MGST1: variants seen among roughly 807,000 people sequenced by gnomAD.
MGST1 encodes microsomal glutathione S-transferase 1.
Under a neutral mutation model 8.9 loss-of-function variants are expected in MGST1, and 5 were observed. The observed-to-expected ratio is 0.56, with a 90% CI of 0.29 to 1.19. The LOEUF is 1.19. MGST1 is among the 50% of genes most tolerant of loss of function. The pLI, the probability that MGST1 is intolerant of heterozygous loss-of-function variation, is 0.08. For missense variants in MGST1, 182 were observed against 187.4 expected (o/e 0.97, Z 0.17); for synonymous variants, 54 against 67.8 (o/e 0.80, Z 1.00).
rs1941593273 is a variant in MGST1, at chr12:16,513,805, G to A, written n.483-75723G>A. ...TGGAACTAGTGCCTTAAGGATCAGA[G>A]CTAGTTTTCTGCAAAGATTTCTTAA... On this transcript the variant is annotated intron_variant and non_coding_transcript_variant, in intron 4 of 4. Coordinates refer to the MGST1 transcript ENST00000538857. The surrounding 1 kb of genome is among the most constrained non-coding windows in gnomAD (Gnocchi z 4.2). 1 of 607,004 alleles carries A rather than the reference G, an allele frequency of 1.6e-6. No individual in the cohort carries two copies. The highest frequency in any genetic ancestry group is 3.9e-5 in the East Asian group (1 of 25,506). 37.6% of individuals were successfully genotyped at this position (607,004 alleles called of 1,614,324 possible).
chr12:16,420,490 G>A (rs1361966529), intron 1 of MGST1, among the ~76,000 whole-genome samples: 4 of 152,160 alleles, frequency 2.6e-5, no homozygotes, highest in Admixed American at 2.0e-4. Context: ...AAATCTGAGT[G>A]GAGGTTTCCA....
At chr12:16,574,886 A>G (rs1476525330) in intron 4 of MGST1, among the ~76,000 whole-genome samples, 1 of 152,174 alleles carries the variant, frequency 6.6e-6, no homozygotes, top group East Asian at 1.9e-4. Flanking sequence ...CATTAACAGC[A>G]GTGATAGAAA....
rs141034415 is a variant in MGST1 at position 16,420,931 on chromosome 12, T to G, written n.779-16457T>G. 4.6e-5 allele frequency among the ~76,000 whole-genome samples: 7 copies of G among 152,276 alleles called. 1 individual carries two copies. Among genetic ancestry groups the G allele is most frequent in the African/African-American group, 1.4e-4 (6 of 41,564 alleles). ...CTCCGGCATTCGGATTGATCTCTTT[T>G]ACTGAGGAAGAGTTGCCTGAGAATG... On this transcript the variant is annotated intron_variant and non_coding_transcript_variant, in intron 1 of 1. Coordinates refer to the MGST1 transcript ENST00000359720.
In MGST1 at chr12:16,548,628, A is replaced by G. The variant is rs1941876468; in HGVS notation, n.483-40900A>G. On this transcript the variant is annotated intron_variant and non_coding_transcript_variant, in intron 4 of 4. Coordinates refer to the MGST1 transcript ENST00000538857. The surrounding 1 kb of genome is among the most constrained non-coding windows in gnomAD (Gnocchi z 4.2). ...GGTGTCCTACTGGAGGCATCAGACAACAAGCTAAATGACGTTAGGGCTACA... is the reference window on the plus strand; with the variant it reads ...GGTGTCCTACTGGAGGCATCAGACAGCAAGCTAAATGACGTTAGGGCTACA... 6.6e-6 allele frequency: 1 copy of G among 152,134 alleles called. No individual in the cohort carries two copies. The highest frequency in any genetic ancestry group is 2.4e-5 in the African/African-American group (1 of 41,436). The allele number at this position is 152,134 out of a possible 1,614,324, so 9.4% of individuals were successfully genotyped here. A position where few individuals can be genotyped will look rare whatever the true frequency, so the allele number is the denominator to read the frequency against.
chr12:16,543,233 A>C (rs557523326), intron 4 of MGST1, among the ~76,000 whole-genome samples: 6 of 152,196 alleles, frequency 3.9e-5, no homozygotes, highest in African/African-American at 1.4e-4. Flanking sequence ...GCTAAATATC[A>C]GAAGCAGAGG....
chr12:16,491,341 C>T (rs1200059035), intron 4 of MGST1, among the ~76,000 whole-genome samples: 2 of 152,060 alleles, frequency 1.3e-5, no homozygotes, highest in East Asian at 3.9e-4. Context: ...TAACTCTAAG[C>T]GTGATGATTA....
intron 4 of MGST1, among the ~76,000 whole-genome samples, chr12:16,471,712 C>A (rs966325078): frequency 6.6e-6 from 1 of 152,110 alleles, no homozygotes; most frequent in African/African-American, 2.4e-5. Context: ...ACTAAATTTA[C>A]TATTGATAGT....
At chr12:16,520,786 CA>C (rs1249419119) in intron 4 of MGST1, among the ~76,000 whole-genome samples, 1 of 152,110 alleles carries the variant, frequency 6.6e-6, no homozygotes, top group Non-Finnish European at 1.5e-5. Flanking sequence ...TTTAGAGTGG[CA>C]GAAGGAAACC....
intron 4 of MGST1, among the ~76,000 whole-genome samples, chr12:16,481,671 G>A (rs1450805731): frequency 6.6e-6 from 1 of 152,080 alleles, no homozygotes; most frequent in African/African-American, 2.4e-5. Context: ...AATCTAGACG[G>A]TAGATCTAAA....
At chr12:16,397,255 C>T (rs1483630530) in intron 1 of MGST1, among the ~76,000 whole-genome samples, 1 of 152,128 alleles carries the variant, frequency 6.6e-6, no homozygotes, top group Non-Finnish European at 1.5e-5. Context: ...ATCCTCATCT[C>T]TCACCTTACA....
chr12:16,358,855 T>A (rs1939857672), intron 3 of MGST1, among the ~76,000 whole-genome samples: 1 of 141,752 alleles, frequency 7.1e-6, no homozygotes, highest in South Asian at 2.3e-4. Flanking sequence ...ATTGTCTTTA[T>A]CCAATTCATA....
rs1300532764 is a variant in MGST1, at chr12:16,497,507, A to G, written n.483-92021A>G. On this transcript the variant is annotated intron_variant and non_coding_transcript_variant, in intron 4 of 4. Coordinates refer to the MGST1 transcript ENST00000538857. This position sits in a 1 kb window ranked among gnomAD's most constrained non-coding sequence, Gnocchi z 4.4. ...AGAGAAAGCAGAGTTTGGTGAGAAA[A>G]GAATCTCTTCAGTTATGTGTAAACA... Among the ~76,000 whole-genome samples the G allele has an allele frequency of 2.0e-5, 3 of 152,192 alleles. No homozygotes were observed. Among genetic ancestry groups the G allele is most frequent in the Admixed American group, 6.6e-5 (1 of 15,254 alleles).
upstream of MGST1, among the ~76,000 whole-genome samples, chr12:16,382,450 G>A (rs1940465524): frequency 6.6e-6 from 1 of 152,222 alleles, no homozygotes. Flanking sequence ...CTGTAGAACA[G>A]TGTGTATTGG....
In MGST1 at chr12:16,537,226, C is replaced by T. The variant is rs1648326445; in HGVS notation, n.483-52302C>T. Among the ~76,000 whole-genome samples the T allele has an allele frequency of 6.6e-6, 1 of 152,152 alleles. No homozygotes were observed. The highest frequency in any genetic ancestry group is 1.5e-5 in the Non-Finnish European group (1 of 68,030). On this transcript the variant is annotated intron_variant and non_coding_transcript_variant, in intron 4 of 4. Coordinates refer to the MGST1 transcript ENST00000538857. The surrounding 1 kb of genome is among the most constrained non-coding windows in gnomAD (Gnocchi z 4.6). ...AGTGGGGCAGTCAAATTTTAAAGCTCCAAAATTATTTCCTTTGACTCCATG... is the reference window on the plus strand; with the variant it reads ...AGTGGGGCAGTCAAATTTTAAAGCTTCAAAATTATTTCCTTTGACTCCATG...
chr12:16,532,221 G>C (rs373195227), intron 4 of MGST1, among the ~76,000 whole-genome samples: 3 of 152,030 alleles, frequency 2.0e-5, no homozygotes, highest in Non-Finnish European at 4.4e-5. Flanking sequence ...AGCCTCTTGC[G>C]GGGGGAGAAA....
intron 4 of MGST1, among the ~76,000 whole-genome samples, chr12:16,508,582 A>G (rs1391290272): frequency 6.6e-6 from 1 of 152,216 alleles, no homozygotes; most frequent in Admixed American, 6.5e-5. Flanking sequence ...TCATCTTTCT[A>G]AACAATTCAG....
downstream of MGST1, among the ~76,000 whole-genome samples, chr12:16,440,392 C>G (rs1941029114): frequency 6.6e-6 from 1 of 151,772 alleles, no homozygotes; most frequent in Admixed American, 6.6e-5. Flanking sequence ...TCCTTTCTAG[C>G]CAATACCTTC....
chr12:16,481,003 G>C (rs1941360912), intron 4 of MGST1, among the ~76,000 whole-genome samples: 1 of 151,962 alleles, frequency 6.6e-6, no homozygotes, highest in Non-Finnish European at 1.5e-5. Context: ...ACAAAAATAG[G>C]CTGTGGGCAA....
chr12:16,476,352 ATATAAT>A (rs1390094215), intron 4 of MGST1, among the ~76,000 whole-genome samples: 1 of 152,232 alleles, frequency 6.6e-6, no homozygotes, highest in Non-Finnish European at 1.5e-5. Flanking sequence ...TACTACAAGT[ATATAAT>A]CATAATTCTT....
Sources: gnomAD v4.1 joint callset for allele counts (sites outside exome capture counted in the v4.1 genomes callset) on GRCh38, gnomAD v4.1.1 for gene constraint, Gnocchi (gnomAD v3.1) non-coding constraint, MANE v1.5 for transcripts, NCBI Gene and HGNC (gene_info 2026-07-23, HGNC 2026-07-21) for gene names.